Variants in ZNRF3 observed in about 807,000 individuals in gnomAD.
The protein encoded by ZNRF3 is E3 ubiquitin-protein ligase ZNRF3.
A neutral mutation model predicts 72.5 loss-of-function variants in ZNRF3; 23 were observed. That is an observed-to-expected ratio of 0.32 (90% CI 0.23 to 0.45). ZNRF3 has a LOEUF of 0.45. Ranked by LOEUF, ZNRF3 falls within the 20% of genes least tolerant of loss-of-function variation. The pLI is 1.00. For missense variants in ZNRF3, 1,169 were observed against 1,272.1 expected, an observed-to-expected ratio of 0.92 and a Z score of 1.23; for synonymous variants, 610 against 545.3, an observed-to-expected ratio of 1.12 and a Z score of -1.65.
intron 2 of ZNRF3, among the ~76,000 whole-genome samples, chr22:28,992,146 C>A (rs2035964420): frequency 6.6e-6 from 1 of 151,794 alleles, no homozygotes; most frequent in Admixed American, 6.6e-5. Context: ...GAGTGAGACC[C>A]TATCTCTCTC....
At chr22:29,027,593 C>T (rs2036664115) in intron 2 of ZNRF3, among the ~76,000 whole-genome samples, 1 of 152,202 alleles carries the variant, frequency 6.6e-6, no homozygotes, top group African/African-American at 2.4e-5. Flanking sequence ...CGACATACCA[C>T]TGGGCTGACA....
chr22:29,005,589 C>T (rs1299777820), intron 2 of ZNRF3, among the ~76,000 whole-genome samples: 1 of 152,198 alleles, frequency 6.6e-6, no homozygotes, highest in Non-Finnish European at 1.5e-5. Flanking sequence ...CTCCCTGCAG[C>T]TGGGGTGGTG....
chr22:28,883,913 GC>G lies in ZNRF3; in HGVS notation c.150del (p.Gly51AlafsTer71). 1 of 1,172,500 alleles carries G rather than the reference GC, an allele frequency of 8.5e-7. No individual in the cohort carries two copies. Among genetic ancestry groups the G allele is most frequent in the Non-Finnish European group, 1.1e-6 (1 of 934,536 alleles). The allele number at this position is 1,172,500 out of a possible 1,614,324, so 72.6% of individuals were successfully genotyped here. On this transcript the variant is annotated frameshift_variant, in exon 1 of 9. Transcript: ENST00000544604. LOFTEE classifies it high-confidence loss of function. This position sits in a 1 kb window ranked among gnomAD's most constrained non-coding sequence, Gnocchi z 5.5. ...TCGGGCTGCTGCTGGCGGCCGCGGGGCCCGGCGCGGCGCGGGCCAAGGAGAC... is the reference window on the plus strand; with the variant it reads ...TCGGGCTGCTGCTGGCGGCCGCGGGGCCGGCGCGGCGCGGGCCAAGGAGAC... ...LLGLLLAAAG[P>X]GAARAKETAF...
intron 1 of ZNRF3, among the ~76,000 whole-genome samples, chr22:28,925,343 A>G (rs2034581815): frequency 6.6e-6 from 1 of 152,152 alleles, no homozygotes; most frequent in Non-Finnish European, 1.5e-5. Context: ...TCTTCTCTCC[A>G]CAAACCTGTT....
In ZNRF3 at chr22:29,024,284, G is replaced by GTTTTTT. The variant is rs59532780; in HGVS notation, c.427-18203_427-18198dup. Among the ~76,000 whole-genome samples, 492 of 127,800 alleles carry GTTTTTT rather than the reference G, an allele frequency of 3.8e-3. 21 individuals are homozygous for GTTTTTT. Among genetic ancestry groups the GTTTTTT allele is most frequent in the South Asian group, 0.029 (112 of 3,916 alleles). The allele number at this position is 127,800 out of a possible 152,430, so 83.8% of individuals were successfully genotyped here. On this transcript the variant is annotated intron_variant, in intron 2 of 8. Transcript: ENST00000544604. The stretch of plus-strand genomic sequence containing the variant: ...ATAATGACTTTCAAAGGCATTAACT[G>GTTTTTT]TTTTTTTTTTTTTGCTTTCAATTTT...
intron 2 of ZNRF3, among the ~76,000 whole-genome samples, chr22:29,004,315 A>G (rs1750908344): frequency 1.3e-5 from 2 of 152,196 alleles, no homozygotes; most frequent in Non-Finnish European, 2.9e-5. Context: ...TCCTTGCTGA[A>G]AAAAAGCCCA....
chr22:28,965,384 A>G (rs2035442411), intron 1 of ZNRF3, among the ~76,000 whole-genome samples: 1 of 152,156 alleles, frequency 6.6e-6, no homozygotes, highest in Non-Finnish European at 1.5e-5. Flanking sequence ...CCTTACAACT[A>G]CCTTTGAAGT....
intron 2 of ZNRF3, among the ~76,000 whole-genome samples, chr22:28,989,731 C>G (rs1161747767): frequency 1.3e-5 from 2 of 152,128 alleles, no homozygotes; most frequent in African/African-American, 4.8e-5. Flanking sequence ...TTCGGAAAAG[C>G]CTGTGGGAGA....
intron 8 of ZNRF3, among the ~76,000 whole-genome samples, chr22:29,053,169 A>G (rs1203421097): frequency 6.6e-6 from 1 of 152,066 alleles, no homozygotes; most frequent in East Asian, 1.9e-4. Context: ...TAGGTTAGGT[A>G]ACACTCCAGC....
At position 29,053,705 on chromosome 22, in the gene ZNRF3, T is replaced by G; in HGVS notation, c.*83T>G. The G allele has an allele frequency of 2.2e-6, 3 of 1,383,820 alleles. No individual in the cohort carries two copies. Among genetic ancestry groups the G allele is most frequent in the East Asian group, 4.7e-5 (2 of 42,314 alleles). The allele number at this position is 1,383,820 out of a possible 1,614,324, so 85.7% of individuals were successfully genotyped here. ...TCTTTCAAAAAACAAAAACAAAAAA[T>G]TTTTTTAGCTTTGACAAACACACAA... is the stretch of plus-strand genomic sequence containing the variant. On this transcript the variant is annotated 3_prime_UTR_variant, in exon 9 of 9. Transcript: ENST00000544604.
intron 1 of ZNRF3, among the ~76,000 whole-genome samples, chr22:28,910,370 G>C (rs1426162515): frequency 1.3e-5 from 2 of 152,150 alleles, no homozygotes; most frequent in African/African-American, 2.4e-5. Context: ...CTGGAAGATA[G>C]TAAGAAAAAA....
At position 29,050,404 on chromosome 22, in the gene ZNRF3, G is replaced by C; in HGVS notation, c.2223G>C (p.Glu741Asp). Reference sequence around the variant, plus strand: ...TGTTCCTGGGGCCCCACCTCTACGAGGGCTCTGGCCCGGCGGGTGGGGAGC... The same window carrying C: ...TGTTCCTGGGGCCCCACCTCTACGACGGCTCTGGCCCGGCGGGTGGGGAGC... The part of the protein sequence containing the change: ...STLFLGPHLY[E>D]GSGPAGGEPQ... The change falls in exon 8 of 9, where the codon GAG becomes GAC. Residue 741 changes from glutamate to aspartate, a missense_variant. Transcript: ENST00000544604. The C allele has an allele frequency of 6.2e-7, 1 of 1,606,274 alleles. No individual in the cohort carries two copies. The highest frequency in any genetic ancestry group is 8.5e-7 in the Non-Finnish European group (1 of 1,175,394).
chr22:28,953,532 G>T (rs1347002085), intron 1 of ZNRF3, among the ~76,000 whole-genome samples: 2 of 152,198 alleles, frequency 1.3e-5, no homozygotes, highest in African/African-American at 2.4e-5. Flanking sequence ...TTGTCCTTCA[G>T]TTGACTCTGG....
At chr22:28,900,779 AC>A (rs1285167875) in intron 1 of ZNRF3, among the ~76,000 whole-genome samples, 11 of 151,786 alleles carry the variant, frequency 7.2e-5, no homozygotes, top group Non-Finnish European at 1.6e-4. Flanking sequence ...TTAGATTGTA[AC>A]CTCCTTCCGG....
intron 1 of ZNRF3, among the ~76,000 whole-genome samples, chr22:28,968,575 G>A: frequency 6.6e-6 from 1 of 152,158 alleles, no homozygotes; most frequent in East Asian, 1.9e-4. Context: ...CGGGCATGGT[G>A]GCACACGCCT....
In ZNRF3 at chr22:29,050,842, A is replaced by C; in HGVS notation, c.2661A>C (p.Leu887=). The change falls in exon 8 of 9, where the codon CTA becomes CTC. Residue 887 remains leucine, a synonymous_variant. Coordinates refer to ENST00000544604, the MANE Select transcript of ZNRF3 (RefSeq NM_001206998.2). The part of the protein sequence containing the change: ...ERALCCQARA[L]LRPGCPPEEA... Reference sequence around the variant, plus strand: ...CTCTGTGCTGCCAGGCTAGGGCCCTACTGCGGCCTGGCTGCCCTCCGGAGG... The same window carrying C: ...CTCTGTGCTGCCAGGCTAGGGCCCTCCTGCGGCCTGGCTGCCCTCCGGAGG... The C allele has an allele frequency of 4.4e-6, 7 of 1,605,428 alleles. No homozygotes were observed. Among genetic ancestry groups the C allele is most frequent in the African/African-American group, 2.7e-5 (2 of 74,920 alleles).
chr22:28,981,692 A>G (rs1364810872), intron 1 of ZNRF3, among the ~76,000 whole-genome samples: 1 of 152,194 alleles, frequency 6.6e-6, no homozygotes, highest in Non-Finnish European at 1.5e-5. Context: ...TGCATATAGC[A>G]TCCTTCACTT....
chr22:28,890,831 C>T (rs557521803), intron 1 of ZNRF3, among the ~76,000 whole-genome samples: 1 of 151,952 alleles, frequency 6.6e-6, no homozygotes, highest in Admixed American at 6.5e-5. Flanking sequence ...GATCATGGCT[C>T]AGTGTACTCT....
At chr22:28,905,598 G>A (rs562419118) in intron 1 of ZNRF3, among the ~76,000 whole-genome samples, 1 of 152,246 alleles carries the variant, frequency 6.6e-6, no homozygotes, top group East Asian at 1.9e-4. Flanking sequence ...CTTGGCCTCT[G>A]GGTAAACATT....
Sources: allele counts gnomAD v4.1 joint callset (sites outside exome capture counted in the v4.1 genomes callset), GRCh38; gene constraint gnomAD v4.1.1; non-coding constraint Gnocchi (gnomAD v3.1); transcripts MANE v1.5; gene names NCBI Gene and HGNC (gene_info 2026-07-23, HGNC 2026-07-21).